The following CSMD1 variants were observed in gnomAD, a reference collection of about 807,000 sequenced individuals.
CSMD1 encodes CUB and Sushi multiple domains 1, also known as CUB and sushi domain-containing protein 1.
CSMD1 carries 213 observed loss-of-function variants against 417.5 expected under a neutral mutation model. That is an observed-to-expected ratio of 0.51 (90% CI 0.46 to 0.57). CSMD1 has a LOEUF of 0.57. CSMD1 is among the 20% of genes least tolerant of loss of function. CSMD1 has a pLI of 0.00. For synonymous variants in CSMD1, 2,862 were observed against 1,736.8 expected (o/e 1.65, Z -16.11); for missense variants, 6,923 against 4,529.7 (o/e 1.53, Z -15.17).
intron 14 of CSMD1, among the ~76,000 whole-genome samples, chr8:3,406,991 G>A (rs1299100304): frequency 6.6e-6 from 1 of 152,108 alleles, no homozygotes; most frequent in Admixed American, 6.6e-5. Flanking sequence ...AAGTGGCTGA[G>A]TGGGTGGGTG....
At chr8:3,192,267 A>G (rs149677234) in intron 33 of CSMD1, among the ~76,000 whole-genome samples, 113 of 152,244 alleles carry the variant, frequency 7.4e-4, no homozygotes, top group Middle Eastern at 3.4e-3. Flanking sequence ...ATAATATTCT[A>G]TTATAGGTCA....
intron 5 of CSMD1, among the ~76,000 whole-genome samples, chr8:3,764,193 G>A (rs560921224): frequency 2.6e-5 from 4 of 152,108 alleles, no homozygotes; most frequent in East Asian, 1.9e-4. Flanking sequence ...TGCACCGTAC[G>A]CATTAGGTCA....
chr8:4,233,398 C>G (rs972938439), intron 3 of CSMD1, among the ~76,000 whole-genome samples: 1 of 152,130 alleles, frequency 6.6e-6, no homozygotes, highest in Non-Finnish European at 1.5e-5. Context: ...AAAGTGTTTT[C>G]CACAAAATTC....
intron 49 of CSMD1, among the ~76,000 whole-genome samples, chr8:3,076,873 G>A (rs988537147): frequency 1.3e-5 from 2 of 152,090 alleles, no homozygotes; most frequent in African/African-American, 4.8e-5. Flanking sequence ...TTTAGATTGA[G>A]GGTACATGTG....
At chr8:3,391,677 G>A (rs1036225617) in intron 17 of CSMD1, among the ~76,000 whole-genome samples, 2 of 152,164 alleles carry the variant, frequency 1.3e-5, no homozygotes, top group African/African-American at 4.8e-5. Context: ...ACACAATTCA[G>A]AAAGGCCTTC....
At chr8:4,563,271 G>T (rs1798433731) in intron 2 of CSMD1, among the ~76,000 whole-genome samples, 1 of 152,072 alleles carries the variant, frequency 6.6e-6, no homozygotes, top group Admixed American at 6.6e-5. Context: ...CATGGTGGCG[G>T]GCACCTGTAG....
At chr8:3,835,982 T>A (rs909328644) in intron 5 of CSMD1, among the ~76,000 whole-genome samples, 25 of 152,144 alleles carry the variant, frequency 1.6e-4, no homozygotes, top group Non-Finnish European at 2.9e-4. Context: ...ACTCTCTTAT[T>A]ATTTCTATAA....
chr8:3,841,873 G>C (rs1333632922), intron 5 of CSMD1, among the ~76,000 whole-genome samples: 1 of 151,324 alleles, frequency 6.6e-6, no homozygotes, highest in Non-Finnish European at 1.5e-5. Context: ...CTGGCCCTTG[G>C]GTTGGCCACA....
At chr8:3,188,856 C>A (rs1374519413) in intron 35 of CSMD1, 31 bp downstream of exon 35, 1 of 1,485,454 alleles carries the variant, frequency 6.7e-7, no homozygotes, top group Non-Finnish European at 9.0e-7. Flanking sequence ...CAGCTGAGCC[C>A]TGTTGTAGAC....
chr8:4,679,892 T>C (rs1470448198), intron 1 of CSMD1, among the ~76,000 whole-genome samples: 2 of 152,164 alleles, frequency 1.3e-5, no homozygotes, highest in African/African-American at 2.4e-5. Context: ...GAAATGCTCA[T>C]TTAATTTTAA....
chr8:3,371,532 T>C (rs1437197669), intron 18 of CSMD1, among the ~76,000 whole-genome samples: 1 of 152,142 alleles, frequency 6.6e-6, no homozygotes. Context: ...TATACTTCTT[T>C]TCTTAAACTA....
At chr8:4,050,955 G>C (rs1291347270) in intron 3 of CSMD1, among the ~76,000 whole-genome samples, 1 of 152,002 alleles carries the variant, frequency 6.6e-6, no homozygotes, top group Non-Finnish European at 1.5e-5. Context: ...GGTCTCACTT[G>C]GTTGGAGAAA....
At chr8:4,400,436 G>A (rs1289445110) in intron 3 of CSMD1, among the ~76,000 whole-genome samples, 1 of 152,224 alleles carries the variant, frequency 6.6e-6, no homozygotes, top group Non-Finnish European at 1.5e-5. Flanking sequence ...GCACATGCAT[G>A]TATGCAGACA....
chr8:3,666,030 G>C (rs1002178754), intron 7 of CSMD1, among the ~76,000 whole-genome samples: 13 of 152,062 alleles, frequency 8.5e-5, no homozygotes, highest in African/African-American at 2.9e-4. Flanking sequence ...GGAGTAGGTG[G>C]GATTACAGGT....
At chr8:3,759,762 G>T (rs1050018821) in intron 5 of CSMD1, among the ~76,000 whole-genome samples, 2 of 144,450 alleles carry the variant, frequency 1.4e-5, no homozygotes, top group African/African-American at 2.6e-5. Flanking sequence ...AAAAAAATTA[G>T]CCAGACATGG....
chr8:4,952,623 G>C (rs760164509), intron 1 of CSMD1, among the ~76,000 whole-genome samples: 24 of 152,020 alleles, frequency 1.6e-4, no homozygotes, highest in African/African-American at 5.8e-4. Flanking sequence ...TTAGAGCATA[G>C]TTGATATGGT....
chr8:3,417,231 G>C (rs149131862), intron 12 of CSMD1, among the ~76,000 whole-genome samples: 3 of 152,164 alleles, frequency 2.0e-5, no homozygotes, highest in Admixed American at 1.3e-4. Flanking sequence ...CCATAAATAA[G>C]AGGGACCTTT....
chr8:3,527,772 C>G (rs1406018674), intron 10 of CSMD1, among the ~76,000 whole-genome samples: 1 of 152,096 alleles, frequency 6.6e-6, no homozygotes. Context: ...TTATTCAACC[C>G]TTTGGATCTG....
At chr8:3,883,075 G>C (rs2948646) in intron 5 of CSMD1, among the ~76,000 whole-genome samples, 33,443 of 152,062 alleles carry the variant, frequency 0.22, 4,138 homozygotes, top group African/African-American at 0.33. Flanking sequence ...AATGTGTCTT[G>C]ACTATTTACT....
Sources: gnomAD v4.1 joint callset for allele counts (sites outside exome capture counted in the v4.1 genomes callset) on GRCh38, gnomAD v4.1.1 for gene constraint, MANE v1.5 for transcripts, NCBI Gene and HGNC (gene_info 2026-07-23, HGNC 2026-07-21) for gene names.